The following PLCH1 variants were observed in gnomAD, a reference collection of about 807,000 sequenced individuals.
The protein encoded by PLCH1 is phospholipase C eta 1.
Under a neutral mutation model 126.7 loss-of-function variants are expected in PLCH1, and 60 were observed. That is an observed-to-expected ratio of 0.47 (90% CI 0.38 to 0.59). PLCH1 has a LOEUF of 0.59. PLCH1 is among the 20% of genes least tolerant of loss of function. The pLI, the probability that PLCH1 is intolerant of heterozygous loss-of-function variation, is 0.00. For missense variants in PLCH1, 1,723 were observed against 2,040.0 expected, an observed-to-expected ratio of 0.84 and a Z score of 2.99; for synonymous variants, 719 against 734.9, an observed-to-expected ratio of 0.98 and a Z score of 0.35.
chr3:155,639,267 T>C (rs371992719), intron 2 of PLCH1, among the ~76,000 whole-genome samples: 3 of 152,104 alleles, frequency 2.0e-5, no homozygotes, highest in East Asian at 1.9e-4. Context: ...GAGACCAGCC[T>C]GGGAAAAATG....
intron 10 of PLCH1, among the ~76,000 whole-genome samples, chr3:155,533,916 T>C (rs779124507): frequency 1.3e-5 from 2 of 152,158 alleles, no homozygotes; most frequent in Non-Finnish European, 2.9e-5. Flanking sequence ...TGCACAGAAG[T>C]CAAGAACTGA....
At position 155,719,552 on chromosome 3, in the gene PLCH1, T is replaced by C. The variant is rs146817801; in HGVS notation, c.-40-15288A>G. Among the ~76,000 whole-genome samples, 372 of 151,990 alleles carry C rather than the reference T, an allele frequency of 2.4e-3. 2 individuals are homozygous for C. The highest frequency in any genetic ancestry group is 8.3e-3 in the African/African-American group (344 of 41,452). ...TTAATTAAAAAAAAGAATAAGCAAA[T>C]CCAATATATGATAATAAAAACTGGA... On this transcript the variant is annotated intron_variant, in intron 1 of 22. Transcript: ENST00000460012.
intron 2 of PLCH1, among the ~76,000 whole-genome samples, chr3:155,683,698 T>C (rs1047674473): frequency 6.6e-6 from 1 of 152,220 alleles, no homozygotes; most frequent in African/African-American, 2.4e-5. Flanking sequence ...GAGAATTAAC[T>C]AGAGATAGGT....
At chr3:155,648,657 T>C (rs1740330813) in intron 2 of PLCH1, among the ~76,000 whole-genome samples, 1 of 152,230 alleles carries the variant, frequency 6.6e-6, no homozygotes, top group African/African-American at 2.4e-5. Flanking sequence ...ATGCCTGTCT[T>C]CATTAAGCAG....
chr3:155,743,423 T>A (rs547065404), intron 1 of PLCH1: 40 of 389,496 alleles, frequency 1.0e-4, no homozygotes, highest in South Asian at 7.6e-4. Flanking sequence ...TCCCAGATAC[T>A]CGGGAGGCTG....
chr3:155,667,248 A>T (rs1201184622), intron 2 of PLCH1, among the ~76,000 whole-genome samples: 2 of 152,110 alleles, frequency 1.3e-5, no homozygotes, highest in African/African-American at 2.4e-5. Flanking sequence ...CCCACTGTAC[A>T]CTAAAAAAAT....
intron 2 of PLCH1, among the ~76,000 whole-genome samples, chr3:155,630,594 C>T (rs752332644): frequency 6.6e-6 from 1 of 152,194 alleles, no homozygotes; most frequent in Non-Finnish European, 1.5e-5. Context: ...CTTCCTTTGG[C>T]ATATACCGTC....
chr3:155,491,918 G>C (rs1282952523), intron 18 of PLCH1, among the ~76,000 whole-genome samples: 1 of 152,148 alleles, frequency 6.6e-6, no homozygotes, highest in Non-Finnish European at 1.5e-5. Context: ...TTGGTCATCT[G>C]TAGACTCTCC....
At chr3:155,650,863 C>T (rs1049153591) in intron 2 of PLCH1, among the ~76,000 whole-genome samples, 2 of 152,118 alleles carry the variant, frequency 1.3e-5, no homozygotes, top group African/African-American at 2.4e-5. Flanking sequence ...CATGGCAAAA[C>T]CCCATCTCTA....
rs182225065 is a variant in PLCH1 at position 155,529,896 on chromosome 3, A to G, written c.1363-5892T>C. Reference sequence around the variant, plus strand: ...ATTCTCCTGCCTCAGCCTCCCAAGTAGCTGGGATTACAGGCATGCACCACC... The same window carrying G: ...ATTCTCCTGCCTCAGCCTCCCAAGTGGCTGGGATTACAGGCATGCACCACC... On this transcript the variant is annotated intron_variant, in intron 10 of 22. Coordinates refer to ENST00000460012, the MANE Select transcript of PLCH1 (RefSeq NM_014996.4). 7.3e-3 allele frequency among the ~76,000 whole-genome samples: 1,110 copies of G among 152,192 alleles called. 21 individuals are homozygous for G. The highest frequency in any genetic ancestry group is 0.025 in the African/African-American group (1,047 of 41,520).
chr3:155,505,339 A>G (rs539289818), intron 12 of PLCH1, among the ~76,000 whole-genome samples: 1 of 152,294 alleles, frequency 6.6e-6, no homozygotes, highest in South Asian at 2.1e-4. Flanking sequence ...TAGGTAACAG[A>G]AAGTCCACCT....
At chr3:155,710,545 T>A (rs1747026516) in intron 1 of PLCH1, among the ~76,000 whole-genome samples, 1 of 152,126 alleles carries the variant, frequency 6.6e-6, no homozygotes, top group South Asian at 2.1e-4. Context: ...TTAAAACTAG[T>A]TCTATGGCTG....
chr3:155,648,357 C>T (rs2108884057), intron 2 of PLCH1, among the ~76,000 whole-genome samples: 1 of 152,274 alleles, frequency 6.6e-6, no homozygotes, highest in South Asian at 2.1e-4. Flanking sequence ...AAAAGCAGTC[C>T]TAAAAGGGCA....
intron 1 of PLCH1, among the ~76,000 whole-genome samples, chr3:155,740,765 G>A (rs933123577): frequency 6.6e-6 from 1 of 152,178 alleles, no homozygotes; most frequent in Admixed American, 6.5e-5. Flanking sequence ...AAAACAACAA[G>A]ATCATTAGAA....
In PLCH1 at chr3:155,657,429, G is replaced by A. The variant is rs146112572; in HGVS notation, c.79+46717C>T. Among the ~76,000 whole-genome samples, 392 of 152,268 alleles carry A rather than the reference G, an allele frequency of 2.6e-3. 1 individual carries two copies. Among genetic ancestry groups the A allele is most frequent in the African/African-American group, 8.6e-3 (358 of 41,564 alleles). ...AGTTCACAGGACAGGTTACTGGAGA[G>A]GAAACAGCTGCCTAGAGAAGAGCTC... is the stretch of plus-strand genomic sequence containing the variant. On this transcript the variant is annotated intron_variant, in intron 2 of 22. Coordinates refer to ENST00000460012, the MANE Select transcript of PLCH1 (RefSeq NM_014996.4).
At chr3:155,670,780 A>G (rs1743337199) in intron 2 of PLCH1, among the ~76,000 whole-genome samples, 1 of 152,136 alleles carries the variant, frequency 6.6e-6, no homozygotes, top group Non-Finnish European at 1.5e-5. Flanking sequence ...TGCTCTTTAG[A>G]TCCAGCACAA....
chr3:155,539,183 A>C lies in PLCH1; in HGVS notation c.1362+10604T>G, dbSNP rs189266160. 3.1e-4 allele frequency among the ~76,000 whole-genome samples: 47 copies of C among 152,302 alleles called. 1 individual carries two copies. The East Asian group carries it at 8.9e-3, about 29-fold the overall frequency. On this transcript the variant is annotated intron_variant, in intron 10 of 22. Transcript: ENST00000460012. ...TGATCATCTCAATAGATGCAGAAAA[A>C]GCATTTAACAAAATCCAGCATCTCT...
intron 12 of PLCH1, among the ~76,000 whole-genome samples, chr3:155,508,643 T>G (rs1455749857): frequency 8.1e-6 from 1 of 123,244 alleles, no homozygotes; most frequent in Non-Finnish European, 1.6e-5. Context: ...TCTGTTTATA[T>G]GCTGGATTAC....
At chr3:155,608,788 A>G (rs1391041014) in intron 2 of PLCH1, among the ~76,000 whole-genome samples, 1 of 152,112 alleles carries the variant, frequency 6.6e-6, no homozygotes, top group Non-Finnish European at 1.5e-5. Flanking sequence ...AACACAAAAG[A>G]CATAAAGTCT....
Sources: allele counts gnomAD v4.1 joint callset (sites outside exome capture counted in the v4.1 genomes callset), GRCh38; gene constraint gnomAD v4.1.1; transcripts MANE v1.5; gene names NCBI Gene and HGNC (gene_info 2026-07-23, HGNC 2026-07-21).